Variants in ITPR1 observed in about 807,000 individuals in gnomAD.
The protein encoded by ITPR1 is inositol 1,4,5-trisphosphate receptor type 1, also known as inositol 1,4,5-trisphosphate-gated calcium channel ITPR1.
ITPR1 carries 96 observed loss-of-function variants against 318.4 expected under a neutral mutation model. The ratio of observed to expected loss-of-function variants is 0.30; its 90% CI spans 0.26 to 0.36. ITPR1 has a LOEUF of 0.36. Ranked by LOEUF, ITPR1 falls within the 10% of genes least tolerant of loss-of-function variation. ITPR1 has a pLI of 1.00. For synonymous variants in ITPR1, 1,312 were observed against 1,289.9 expected (o/e 1.02, Z -0.37); for missense variants, 2,440 against 3,460.2 (o/e 0.71, Z 7.40).
chr3:4,716,245 T>C (rs2041755826), intron 39 of ITPR1, among the ~76,000 whole-genome samples: 1 of 152,184 alleles, frequency 6.6e-6, no homozygotes, highest in South Asian at 2.1e-4. Flanking sequence ...TAAATAGCTC[T>C]AAAATTTAAT....
chr3:4,579,151 A>G (rs80085436), intron 4 of ITPR1, among the ~76,000 whole-genome samples: 61 of 152,302 alleles, frequency 4.0e-4, no homozygotes, highest in African/African-American at 1.4e-3. Context: ...GCTGTGTGAC[A>G]TTGAGAAGAT....
At chr3:4,587,261 A>G (rs901327922) in intron 4 of ITPR1, among the ~76,000 whole-genome samples, 3 of 142,310 alleles carry the variant, frequency 2.1e-5, no homozygotes, top group African/African-American at 5.3e-5. Context: ...GCTGGTTCAC[A>G]CTTCTCATGG....
At chr3:4,583,624 C>A (rs2089581822) in intron 4 of ITPR1, among the ~76,000 whole-genome samples, 1 of 152,236 alleles carries the variant, frequency 6.6e-6, no homozygotes, top group African/African-American at 2.4e-5. Context: ...GAGCCTGTTC[C>A]TCCTTGGCTT....
chr3:4,678,527 G>A (rs961648477), intron 24 of ITPR1, among the ~76,000 whole-genome samples: 1 of 152,188 alleles, frequency 6.6e-6, no homozygotes, highest in African/African-American at 2.4e-5. Context: ...TGTGAGGAAT[G>A]CAAAAATGAT....
chr3:4,664,233 G>A (rs1426848111), intron 16 of ITPR1, among the ~76,000 whole-genome samples: 1 of 152,114 alleles, frequency 6.6e-6, no homozygotes, highest in East Asian at 1.9e-4. Context: ...AATGAGTAGT[G>A]GTTGACAGGA....
chr3:4,820,898 G>T (rs2049667986), intron 60 of ITPR1, among the ~76,000 whole-genome samples: 1 of 152,146 alleles, frequency 6.6e-6, no homozygotes, highest in South Asian at 2.1e-4. Context: ...TTTGGTGGGG[G>T]TGGGGGCTGG....
At position 4,725,515 on chromosome 3, in the gene ITPR1, G is replaced by C. The variant is rs147708579; in HGVS notation, c.5137-31G>C. ...GTGGCCCACGAGATGCAAGTGCCAT[G>C]ACTAACGTACTTCGTTTTACTCCCA... On this transcript the variant is annotated intron_variant, in intron 40 of 61. Coordinates refer to ENST00000649015, the MANE Select transcript of ITPR1 (RefSeq NM_001378452.1). 1.9e-3 allele frequency: 2,988 copies of C among 1,590,608 alleles called. 5 individuals carry two copies. The highest frequency in any genetic ancestry group is 3.3e-3 in the Middle Eastern group (20 of 6,046).
chr3:4,814,976 C>A, intron 58 of ITPR1, 77 bp from the exon 59 acceptor site: 5 of 1,255,696 alleles, frequency 4.0e-6, no homozygotes, highest in Non-Finnish European at 5.6e-6. Flanking sequence ...TGAGGTCTCA[C>A]TTGAGCTGTG....
chr3:4,594,763 T>C (rs1198260989), intron 4 of ITPR1, among the ~76,000 whole-genome samples: 1 of 147,784 alleles, frequency 6.8e-6, no homozygotes, highest in Non-Finnish European at 1.5e-5. Flanking sequence ...GACCGGGAAA[T>C]GTGTGGCAGG....
chr3:4,835,607 G>A (rs1293859233), intron 60 of ITPR1, among the ~76,000 whole-genome samples: 1 of 152,100 alleles, frequency 6.6e-6, no homozygotes, highest in African/African-American at 2.4e-5. Context: ...GTTTTAGAAA[G>A]ACCATTAAAT....
At chr3:4,623,384 T>G (rs960240490) in intron 4 of ITPR1, among the ~76,000 whole-genome samples, 4 of 152,202 alleles carry the variant, frequency 2.6e-5, no homozygotes, top group Non-Finnish European at 5.9e-5. Flanking sequence ...TCCACCATAA[T>G]TTTTTGAAAG....
At chr3:4,795,040 C>CG in intron 52 of ITPR1, 25 bp from the exon 53 acceptor site, 1 of 1,583,398 alleles carries the variant, frequency 6.3e-7, no homozygotes, top group South Asian at 1.1e-5. Flanking sequence ...TCCAGCCTCA[C>CG]GCGGCTTTGC....
intron 24 of ITPR1, among the ~76,000 whole-genome samples, chr3:4,679,120 A>C (rs1243822981): frequency 6.6e-6 from 1 of 152,164 alleles, no homozygotes; most frequent in Non-Finnish European, 1.5e-5. Flanking sequence ...ATGGAGAACC[A>C]CCAGGACTTA....
At chr3:4,550,922 G>T (rs1005748435) in intron 4 of ITPR1, among the ~76,000 whole-genome samples, 9 of 151,958 alleles carry the variant, frequency 5.9e-5, no homozygotes, top group Non-Finnish European at 1.3e-4. Context: ...ACACTAACTT[G>T]TTGAAGATTG....
intron 39 of ITPR1, among the ~76,000 whole-genome samples, chr3:4,712,964 G>C (rs2125285053): frequency 6.6e-6 from 1 of 152,272 alleles, no homozygotes; most frequent in South Asian, 2.1e-4. Context: ...AAACCTGCCA[G>C]ACAAGAGTTT....
chr3:4,580,082 A>C (rs1319234781), intron 4 of ITPR1, among the ~76,000 whole-genome samples: 1 of 151,920 alleles, frequency 6.6e-6, no homozygotes, highest in Admixed American at 6.5e-5. Flanking sequence ...TAGTGGCAGG[A>C]GCCTGTAGTC....
At chr3:4,773,626 T>C (rs1446163386) in intron 46 of ITPR1, among the ~76,000 whole-genome samples, 1 of 152,220 alleles carries the variant, frequency 6.6e-6, no homozygotes, top group Non-Finnish European at 1.5e-5. Flanking sequence ...ATTTCAGCCA[T>C]GGACAGCCAG....
chr3:4,821,827 G>A (rs891331147), intron 60 of ITPR1, among the ~76,000 whole-genome samples: 3 of 152,128 alleles, frequency 2.0e-5, no homozygotes, highest in African/African-American at 7.2e-5. Flanking sequence ...GAGGGACCAC[G>A]TAAAGAAGCT....
At chr3:4,558,536 A>C (rs1269874337) in intron 4 of ITPR1, among the ~76,000 whole-genome samples, 4 of 152,194 alleles carry the variant, frequency 2.6e-5, no homozygotes, top group Non-Finnish European at 5.9e-5. Context: ...TAATGATATC[A>C]AAGTTGGGCA....
Sources: gnomAD v4.1 joint callset for allele counts (sites outside exome capture counted in the v4.1 genomes callset) on GRCh38, gnomAD v4.1.1 for gene constraint, MANE v1.5 for transcripts, NCBI Gene and HGNC (gene_info 2026-07-23, HGNC 2026-07-21) for gene names.